GRM5: variants seen among roughly 807,000 people sequenced by gnomAD.
GRM5 encodes glutamate metabotropic receptor 5, also known as metabotropic glutamate receptor 5.
A neutral mutation model predicts 83.1 loss-of-function variants in GRM5; 19 were observed. The ratio of observed to expected loss-of-function variants is 0.23; its 90% CI spans 0.16 to 0.34. The LOEUF is 0.34. Ranked by LOEUF, GRM5 falls within the 10% of genes least tolerant of loss-of-function variation. The pLI is 1.00. For synonymous variants in GRM5, 675 were observed against 633.6 expected, an observed-to-expected ratio of 1.07 and a Z score of -0.98; for missense variants, 1,160 against 1,588.3, an observed-to-expected ratio of 0.73 and a Z score of 4.58.
intron 2 of GRM5, among the ~76,000 whole-genome samples, chr11:88,854,501 C>A (rs1944438189): frequency 1.3e-5 from 2 of 151,926 alleles, no homozygotes; most frequent in Admixed American, 6.6e-5. Context: ...TACTATTTGA[C>A]CTGAATTTCA....
At chr11:88,854,470 T>C (rs767444358) in intron 2 of GRM5, among the ~76,000 whole-genome samples, 1 of 152,058 alleles carries the variant, frequency 6.6e-6, no homozygotes, top group Admixed American at 6.6e-5. Context: ...AAATACTGTT[T>C]AAAGCTAGTG....
intron 4 of GRM5, among the ~76,000 whole-genome samples, chr11:88,612,417 G>A (rs376684427): frequency 0.011 from 1,500 of 131,638 alleles, 16 homozygotes; most frequent in East Asian, 0.076. Context: ...GAATAATGCC[G>A]CAATAAACAT....
chr11:88,885,048 GA>G (rs1402662469), intron 2 of GRM5, among the ~76,000 whole-genome samples: 3 of 151,970 alleles, frequency 2.0e-5, no homozygotes, highest in African/African-American at 7.2e-5. Context: ...CCTAAGATCT[GA>G]AAAGAAGCCA....
intron 2 of GRM5, among the ~76,000 whole-genome samples, chr11:88,864,633 C>T (rs1944628269): frequency 6.6e-6 from 1 of 152,014 alleles, no homozygotes; most frequent in Non-Finnish European, 1.5e-5. Context: ...AATTTGACTT[C>T]CTTTCTTCTT....
chr11:88,560,792 A>G (rs1942737050), intron 8 of GRM5, among the ~76,000 whole-genome samples: 1 of 152,206 alleles, frequency 6.6e-6, no homozygotes, highest in Admixed American at 6.6e-5. Context: ...TGAAAATGTT[A>G]CATATGTACA....
At chr11:88,670,816 G>T (rs1434888423) in intron 3 of GRM5, among the ~76,000 whole-genome samples, 1 of 152,024 alleles carries the variant, frequency 6.6e-6, no homozygotes, top group Non-Finnish European at 1.5e-5. Flanking sequence ...AGTATAAAAT[G>T]GAAAGCAACT....
intron 3 of GRM5, among the ~76,000 whole-genome samples, chr11:88,821,304 T>A (rs1943786612): frequency 6.7e-6 from 1 of 149,944 alleles, no homozygotes; most frequent in African/African-American, 2.5e-5. Context: ...AACTCCCTTA[T>A]TTTTTGTTCT....
At chr11:88,620,972 A>G (rs551130063) in intron 4 of GRM5, among the ~76,000 whole-genome samples, 2 of 152,220 alleles carry the variant, frequency 1.3e-5, no homozygotes, top group Non-Finnish European at 2.9e-5. Flanking sequence ...CTCCGTGCAG[A>G]ACATCAAATT....
At position 88,684,326 on chromosome 11, in the gene GRM5, AG is replaced by A. The variant is rs568730572; in HGVS notation, c.912-30924del. On this transcript the variant is annotated intron_variant, in intron 3 of 9. Transcript: ENST00000305447. ...TTAATCTACGCTTAAAGATTATTCC[AG>A]GTACTCTGTGGAAAATGTACTAGAG... Among the ~76,000 whole-genome samples, 282 of 152,362 alleles carry A rather than the reference AG, an allele frequency of 1.9e-3. 1 individual carries two copies. The highest frequency in any genetic ancestry group is 6.5e-3 in the African/African-American group (269 of 41,584).
intron 3 of GRM5, among the ~76,000 whole-genome samples, chr11:88,785,981 T>C (rs934619568): frequency 6.6e-6 from 1 of 152,110 alleles, no homozygotes; most frequent in African/African-American, 2.4e-5. Flanking sequence ...CCCATTCACT[T>C]AGTGTAAAAA....
At chr11:88,669,132 A>G (rs1054637286) in intron 3 of GRM5, among the ~76,000 whole-genome samples, 3 of 152,204 alleles carry the variant, frequency 2.0e-5, no homozygotes. Context: ...AGATGTAGAT[A>G]CACCCTAAAT....
chr11:89,000,535 T>A (rs1940344354), intron 2 of GRM5, among the ~76,000 whole-genome samples: 1 of 152,158 alleles, frequency 6.6e-6, no homozygotes, highest in Admixed American at 6.5e-5. Context: ...AATCTCAATC[T>A]AAACCTCATA....
chr11:88,588,805 G>T (rs1404275167), intron 7 of GRM5, among the ~76,000 whole-genome samples: 1 of 152,094 alleles, frequency 6.6e-6, no homozygotes, highest in East Asian at 1.9e-4. Context: ...GAGCTGACTA[G>T]CCATGTGCAT....
chr11:88,525,113 G>T (rs1175209795), intron 9 of GRM5, among the ~76,000 whole-genome samples, 196 bp downstream of exon 9: 2 of 152,208 alleles, frequency 1.3e-5, no homozygotes, highest in African/African-American at 4.8e-5. Context: ...ATCTGGGACA[G>T]GAGGCTCCCA....
chr11:88,778,398 C>T (rs572463218), intron 3 of GRM5, among the ~76,000 whole-genome samples: 108 of 152,366 alleles, frequency 7.1e-4, no homozygotes, highest in African/African-American at 2.5e-3. Context: ...CCCCCAACCC[C>T]TTGCGCTTCC....
intron 8 of GRM5, among the ~76,000 whole-genome samples, chr11:88,556,403 A>C (rs1942629261): frequency 6.6e-6 from 1 of 150,814 alleles, no homozygotes; most frequent in African/African-American, 2.4e-5. Flanking sequence ...GCTCACTGCA[A>C]TCTCCACCTT....
chr11:88,777,640 A>C (rs1942884992), intron 3 of GRM5, among the ~76,000 whole-genome samples: 1 of 151,310 alleles, frequency 6.6e-6, no homozygotes, highest in Non-Finnish European at 1.5e-5. Flanking sequence ...CTTTTTGTTG[A>C]TGTTGATGCT....
At chr11:88,971,494 T>C (rs1939163110) in intron 2 of GRM5, among the ~76,000 whole-genome samples, 1 of 152,090 alleles carries the variant, frequency 6.6e-6, no homozygotes, top group Non-Finnish European at 1.5e-5. Flanking sequence ...CATATGTACT[T>C]AATATTTAGC....
chr11:88,761,363 C>T (rs886909875), intron 3 of GRM5, among the ~76,000 whole-genome samples: 1 of 152,054 alleles, frequency 6.6e-6, no homozygotes, highest in African/African-American at 2.4e-5. Context: ...TTTTAGGCTA[C>T]AAAACCAACA....
Sources: allele counts gnomAD v4.1 joint callset (sites outside exome capture counted in the v4.1 genomes callset), GRCh38; gene constraint gnomAD v4.1.1; transcripts MANE v1.5; gene names NCBI Gene and HGNC (gene_info 2026-07-23, HGNC 2026-07-21).